EDARADD: variants seen among roughly 807,000 people sequenced by gnomAD.
EDARADD encodes the protein EDAR associated via death domain, also known as ectodysplasin-A receptor-associated adapter protein.
Under a neutral mutation model 25.6 loss-of-function variants are expected in EDARADD, and 20 were observed. The observed-to-expected ratio is 0.78, with a 90% CI of 0.55 to 1.14. The LOEUF is 1.14. Among genes scored for constraint, EDARADD ranks in the 50% most tolerant of loss-of-function variants. The pLI is 0.00. For synonymous variants in EDARADD, 86 were observed against 94.4 expected (o/e 0.91, Z 0.52); for missense variants, 225 against 270.1 (o/e 0.83, Z 1.17).
intron 2 of EDARADD, among the ~76,000 whole-genome samples, chr1:236,412,229 A>G (rs1558115300): frequency 1.3e-5 from 2 of 152,054 alleles, no homozygotes; most frequent in African/African-American, 2.4e-5. Context: ...ATCTTTACCT[A>G]ATGAACTCCT....
At chr1:236,467,428 A>ACACG (rs1433337755) in intron 4 of EDARADD, among the ~76,000 whole-genome samples, 1 of 132,984 alleles carries the variant, frequency 7.5e-6, no homozygotes, top group East Asian at 3.0e-4. Flanking sequence ...ACACACGCGC[A>ACACG]CACACACACA....
chr1:236,404,283 A>C (rs977928146), intron 1 of EDARADD, among the ~76,000 whole-genome samples: 1 of 152,206 alleles, frequency 6.6e-6, no homozygotes, highest in East Asian at 1.9e-4. Context: ...CAAGTTCCTA[A>C]GAAAGACCTT....
chr1:236,406,816 G>A (rs1319247069), intron 1 of EDARADD, among the ~76,000 whole-genome samples: 2 of 151,996 alleles, frequency 1.3e-5, no homozygotes, highest in African/African-American at 2.4e-5. Context: ...TCCTCTCTCC[G>A]GGAGCTCCCC....
chr1:236,431,412 T>C (rs1262621710), intron 4 of EDARADD, among the ~76,000 whole-genome samples: 1 of 152,124 alleles, frequency 6.6e-6, no homozygotes, highest in African/African-American at 2.4e-5. Flanking sequence ...AAGACCTGTC[T>C]CTTAAACAAA....
At chr1:236,436,422 A>G (rs1035050226) in intron 4 of EDARADD, among the ~76,000 whole-genome samples, 1 of 151,922 alleles carries the variant, frequency 6.6e-6, no homozygotes, top group African/African-American at 2.4e-5. Context: ...TCGGCCTCCC[A>G]AAGTGCTGAG....
chr1:236,408,067 T>G (rs992344006), intron 1 of EDARADD, among the ~76,000 whole-genome samples: 1 of 152,218 alleles, frequency 6.6e-6, no homozygotes, highest in Admixed American at 6.5e-5. Context: ...TCAAATTCAG[T>G]AGGCAAGAGA....
chr1:236,370,726 T>C (rs910329776), intron 3 of EDARADD, among the ~76,000 whole-genome samples: 1 of 152,104 alleles, frequency 6.6e-6, no homozygotes, highest in African/African-American at 2.4e-5. Flanking sequence ...AAGTGCAGGG[T>C]TGGAAAAATA....
intron 4 of EDARADD, among the ~76,000 whole-genome samples, chr1:236,452,014 C>T (rs1436671447): frequency 6.6e-6 from 1 of 152,168 alleles, no homozygotes; most frequent in African/African-American, 2.4e-5. Context: ...AAACATGCCC[C>T]ACTGTGCCAT....
intron 1 of EDARADD, among the ~76,000 whole-genome samples, chr1:236,408,271 C>A (rs776301458): frequency 2.6e-5 from 4 of 151,946 alleles, no homozygotes; most frequent in Non-Finnish European, 5.9e-5. Context: ...GGTGTGATCT[C>A]AGCTCACTGC....
At chr1:236,363,605 C>A (rs570826732) in intron 3 of EDARADD, among the ~76,000 whole-genome samples, 1 of 151,390 alleles carries the variant, frequency 6.6e-6, no homozygotes, top group African/African-American at 2.4e-5. Context: ...AAAAATAAGA[C>A]GGGGTCTTGA....
chr1:236,452,650 G>A (rs1003887165), intron 4 of EDARADD, among the ~76,000 whole-genome samples: 5 of 152,234 alleles, frequency 3.3e-5, no homozygotes, highest in African/African-American at 1.2e-4. Flanking sequence ...CCCAGTCTCA[G>A]GCAGTTCTTT....
At position 236,355,500 on chromosome 1, in the gene EDARADD, C is replaced by CTTTTTTTTTTTTTTTTT. The variant is rs563976436; in HGVS notation, c.-6+4671_-6+4687dup. On this transcript the variant is annotated intron_variant, in intron 3 of 7. Transcript: ENST00000439430. ...CACTCATTCTCTTCTGCTTCTTCTTCTTTTTTTTTTTTTTTTTTTTTTTTT... is the reference window on the plus strand; with the variant it reads ...CACTCATTCTCTTCTGCTTCTTCTTCTTTTTTTTTTTTTTTTTTTTTTTTTTTTTTTTTTTTTTTTTT... 2.7e-5 allele frequency among the ~76,000 whole-genome samples: 2 copies of CTTTTTTTTTTTTTTTTT among 73,170 alleles called. 1 individual carries two copies. The allele number at this position is 73,170 out of a possible 152,430, so 48.0% of individuals were successfully genotyped here. A position where few individuals can be genotyped will look rare whatever the true frequency, so the allele number is the denominator to read the frequency against.
At chr1:236,465,611 T>TTG (rs1236217696) in intron 4 of EDARADD, among the ~76,000 whole-genome samples, 1 of 152,198 alleles carries the variant, frequency 6.6e-6, no homozygotes, top group Non-Finnish European at 1.5e-5. Flanking sequence ...AGTCACTATC[T>TTG]TGTGCCTTGC....
rs1203852066 is a variant in EDARADD, at chr1:236,468,292, T to A, written c.265+16T>A. The A allele has an allele frequency of 5.6e-6, 9 of 1,613,138 alleles. No homozygotes were observed. Among genetic ancestry groups the A allele is most frequent in the Non-Finnish European group, 7.6e-6 (9 of 1,179,190 alleles). On this transcript the variant is annotated intron_variant, in intron 5 of 5. Transcript: ENST00000334232. The stretch of plus-strand genomic sequence containing the variant: ...CCTCTTCCAGGTAAATGATTGATTC[T>A]AAAGCTATCTGGGCTAATAGCTAGT...
chr1:236,481,929 C>T (rs575022473), intron 5 of EDARADD, among the ~76,000 whole-genome samples: 5 of 151,780 alleles, frequency 3.3e-5, no homozygotes, highest in Non-Finnish European at 5.9e-5. Flanking sequence ...CTGGCTAACA[C>T]GGTGAAACCC....
chr1:236,468,095 C>A, intron 4 of EDARADD, 136 bp from the exon 5 acceptor site: 1 of 797,288 alleles, frequency 1.3e-6, no homozygotes, highest in Non-Finnish European at 2.2e-6. Context: ...CATTAAAATG[C>A]CATTCTCAAG....
chr1:236,403,653 C>G (rs983671236), intron 1 of EDARADD, among the ~76,000 whole-genome samples: 1 of 152,178 alleles, frequency 6.6e-6, no homozygotes, highest in Non-Finnish European at 1.5e-5. Context: ...GTGGATACTA[C>G]TACTCACCAC....
intron 3 of EDARADD, among the ~76,000 whole-genome samples, chr1:236,423,352 G>A (rs984681662): frequency 1.3e-5 from 2 of 152,194 alleles, no homozygotes; most frequent in Non-Finnish European, 2.9e-5. Context: ...AGTTTACCAA[G>A]TAATTTTTAG....
At chr1:236,432,327 T>G (rs1658118160) in intron 4 of EDARADD, among the ~76,000 whole-genome samples, 1 of 151,092 alleles carries the variant, frequency 6.6e-6, no homozygotes, top group African/African-American at 2.4e-5. Flanking sequence ...AAGCAGAGGT[T>G]GCAGGGAATG....
Sources: allele counts gnomAD v4.1 joint callset (sites outside exome capture counted in the v4.1 genomes callset), GRCh38; gene constraint gnomAD v4.1.1; transcripts MANE v1.5; gene names NCBI Gene and HGNC (gene_info 2026-07-23, HGNC 2026-07-21).